The following FRMD5 variants were observed in gnomAD, a reference collection of about 807,000 sequenced individuals.
FRMD5 encodes FERM domain-containing protein 5.
In FRMD5, 20 loss-of-function variants were observed where a neutral mutation model predicts 69.0. The ratio of observed to expected loss-of-function variants is 0.29; its 90% CI spans 0.20 to 0.42. FRMD5 has a LOEUF of 0.42. FRMD5 is among the 10% of genes least tolerant of loss of function. FRMD5 has a pLI of 1.00. For missense variants in FRMD5, 595 were observed against 708.6 expected (o/e 0.84, Z 1.82); for synonymous variants, 271 against 260.1 (o/e 1.04, Z -0.40).
At chr15:43,932,199 A>G (rs2140467361) in intron 1 of FRMD5, among the ~76,000 whole-genome samples, 1 of 152,332 alleles carries the variant, frequency 6.6e-6, no homozygotes, top group South Asian at 2.1e-4. Context: ...TTGAATGCAC[A>G]AGGCCTCAGC....
At chr15:43,934,576 C>A (rs77212051) in intron 1 of FRMD5, among the ~76,000 whole-genome samples, 1 of 152,100 alleles carries the variant, frequency 6.6e-6, no homozygotes, top group Non-Finnish European at 1.5e-5. Flanking sequence ...TAAACAGAAT[C>A]CATTCAATTT....
At chr15:44,187,921 A>G (rs566142430) in intron 1 of FRMD5, among the ~76,000 whole-genome samples, 1 of 152,210 alleles carries the variant, frequency 6.6e-6, no homozygotes, top group South Asian at 2.1e-4. Flanking sequence ...CCTTTGAAAA[A>G]CAATTATTAA....
chr15:44,075,315 G>GT (rs1477740913), intron 1 of FRMD5, among the ~76,000 whole-genome samples: 2 of 152,104 alleles, frequency 1.3e-5, no homozygotes, highest in Admixed American at 6.6e-5. Flanking sequence ...AAATTCTAAA[G>GT]TGGTGCCAAT....
intron 1 of FRMD5, among the ~76,000 whole-genome samples, chr15:44,081,770 T>C (rs1894006289): frequency 6.6e-6 from 1 of 152,088 alleles, no homozygotes; most frequent in African/African-American, 2.4e-5. Flanking sequence ...AATCTACCCA[T>C]TTTGGCCATT....
At chr15:44,075,043 T>C (rs1300615075) in intron 1 of FRMD5, among the ~76,000 whole-genome samples, 1 of 152,196 alleles carries the variant, frequency 6.6e-6, no homozygotes, top group Non-Finnish European at 1.5e-5. Context: ...CCAGGCCAGC[T>C]CTTAGCACAA....
intron 1 of FRMD5, among the ~76,000 whole-genome samples, chr15:43,975,093 A>C (rs2090443595): frequency 6.6e-6 from 1 of 152,240 alleles, no homozygotes; most frequent in Non-Finnish European, 1.5e-5. Flanking sequence ...ATGAGAGCAG[A>C]TTAGCTTAGC....
intron 1 of FRMD5, among the ~76,000 whole-genome samples, chr15:44,076,066 C>T (rs1054701820): frequency 1.3e-5 from 2 of 152,024 alleles, no homozygotes; most frequent in Non-Finnish European, 2.9e-5. Flanking sequence ...TGGATATTAG[C>T]CCTTTGTCAG....
intron 1 of FRMD5, among the ~76,000 whole-genome samples, chr15:43,930,604 A>G (rs1298417416): frequency 6.6e-6 from 1 of 152,250 alleles, no homozygotes; most frequent in African/African-American, 2.4e-5. Context: ...TGTTCTCACC[A>G]AATCCTTAAA....
intron 1 of FRMD5, among the ~76,000 whole-genome samples, chr15:44,093,934 C>G (rs2076513505): frequency 6.6e-6 from 1 of 152,134 alleles, no homozygotes; most frequent in Non-Finnish European, 1.5e-5. Context: ...TAAAAGTCTT[C>G]ACCATTATAT....
intron 4 of FRMD5, among the ~76,000 whole-genome samples, chr15:43,917,100 C>T (rs1256541633): frequency 6.6e-6 from 1 of 151,892 alleles, no homozygotes; most frequent in Admixed American, 6.6e-5. Context: ...TTATTAAGAG[C>T]TCTTCCTAAG....
intron 7 of FRMD5, among the ~76,000 whole-genome samples, chr15:43,893,929 AGTGT>A (rs2088855561): frequency 6.6e-6 from 1 of 152,174 alleles, no homozygotes; most frequent in Admixed American, 6.5e-5. Context: ...GAATAAACTA[AGTGT>A]ATGTTTGGCA....
intron 7 of FRMD5, among the ~76,000 whole-genome samples, chr15:43,901,527 G>C (rs951081420): frequency 1.3e-5 from 2 of 152,166 alleles, no homozygotes; most frequent in South Asian, 2.1e-4. Flanking sequence ...GAGACCAGGA[G>C]TGTCAAAGCA....
intron 1 of FRMD5, among the ~76,000 whole-genome samples, chr15:44,007,113 C>T (rs1452119890): frequency 6.6e-6 from 1 of 152,206 alleles, no homozygotes; most frequent in Non-Finnish European, 1.5e-5. Context: ...AACATCAAGG[C>T]AGGACCTTCC....
At chr15:44,059,756 C>G (rs1222707107) in intron 1 of FRMD5, among the ~76,000 whole-genome samples, 1 of 152,034 alleles carries the variant, frequency 6.6e-6, no homozygotes, top group Non-Finnish European at 1.5e-5. Flanking sequence ...ACCTCGTGAT[C>G]CACCTGCCTC....
chr15:44,143,692 G>A lies in FRMD5; in HGVS notation c.102+51261C>T, dbSNP rs138161828. On this transcript the variant is annotated intron_variant, in intron 1 of 13. Coordinates refer to ENST00000417257, the MANE Select transcript of FRMD5 (RefSeq NM_032892.5). ...TGTAATCCCAGGACTTTGGGAGGCC[G>A]AGGCAGGCTGATCACGAGGCCAGGA... 1.0e-3 allele frequency among the ~76,000 whole-genome samples: 153 copies of A among 151,234 alleles called. 1 individual carries two copies. The highest frequency in any genetic ancestry group is 3.4e-3 in the African/African-American group (139 of 41,190).
intron 8 of FRMD5, among the ~76,000 whole-genome samples, chr15:43,891,378 A>G (rs2088789639): frequency 6.6e-6 from 1 of 152,060 alleles, no homozygotes; most frequent in Non-Finnish European, 1.5e-5. Context: ...GGGAAGGAAG[A>G]AAGAGTGGGA....
intron 1 of FRMD5, among the ~76,000 whole-genome samples, chr15:44,009,990 T>C (rs1890639853): frequency 6.6e-6 from 1 of 152,232 alleles, no homozygotes. Flanking sequence ...GCACAGAGGC[T>C]ACTCTTCCCT....
intron 1 of FRMD5, chr15:43,990,103 G>A: frequency 1.5e-6 from 1 of 655,914 alleles, no homozygotes; most frequent in Admixed American, 1.9e-5. Flanking sequence ...GATGGCCCGG[G>A]GTGGGCATCG....
At chr15:44,005,471 CAAAAAAAAA>C (rs55839205) in intron 1 of FRMD5, among the ~76,000 whole-genome samples, 9 of 69,456 alleles carry the variant, frequency 1.3e-4, no homozygotes, top group Non-Finnish European at 2.3e-4. Context: ...AACTCCATCT[CAAAAAAAAA>C]AAAAAAAAAA....
Sources: gnomAD v4.1 joint callset for allele counts (sites outside exome capture counted in the v4.1 genomes callset) on GRCh38, gnomAD v4.1.1 for gene constraint, MANE v1.5 for transcripts, NCBI Gene and HGNC (gene_info 2026-07-23, HGNC 2026-07-21) for gene names.